Variants in SLCO1B3 observed in about 807,000 individuals in gnomAD.
The protein encoded by SLCO1B3 is liver-specific organic anion transporter 2.
A neutral mutation model predicts 71.8 loss-of-function variants in SLCO1B3; 72 were observed. The ratio of observed to expected loss-of-function variants is 1.00; its 90% CI spans 0.83 to 1.22. The LOEUF (loss-of-function observed/expected upper bound fraction) is 1.22. Among genes scored for constraint, SLCO1B3 ranks in the 50% most tolerant of loss-of-function variants. SLCO1B3 has a pLI of 0.00. For synonymous variants in SLCO1B3, 298 were observed against 278.4 expected (o/e 1.07, Z -0.70); for missense variants, 911 against 819.7 (o/e 1.11, Z -1.36).
chr12:20,828,772 G>C (rs1229008833), intron 3 of SLCO1B3, among the ~76,000 whole-genome samples: 2 of 151,978 alleles, frequency 1.3e-5, no homozygotes, highest in African/African-American at 4.8e-5. Flanking sequence ...GTGACAAACT[G>C]CTGATATTTC....
chr12:20,854,797 T>C (rs1865099129), intron 3 of SLCO1B3, among the ~76,000 whole-genome samples: 1 of 152,184 alleles, frequency 6.6e-6, no homozygotes, highest in Non-Finnish European at 1.5e-5. Context: ...ACCTTAACTA[T>C]ACTCCTCTAG....
rs186455860 is a variant in SLCO1B3, at chr12:20,821,242, G to A, written c.84+5420G>A. On this transcript the variant is annotated intron_variant, in intron 3 of 15. Coordinates refer to ENST00000381545, the MANE Select transcript of SLCO1B3 (RefSeq NM_019844.4). ...ATCAGGCACCTCAGACCATTTGCCCGTTTTACGACAAGAATTATTTAGGTC... is the reference window on the plus strand; with the variant it reads ...ATCAGGCACCTCAGACCATTTGCCCATTTTACGACAAGAATTATTTAGGTC... Among the ~76,000 whole-genome samples, 268 of 152,242 alleles carry A rather than the reference G, an allele frequency of 1.8e-3. 1 individual carries two copies. The highest frequency in any genetic ancestry group is 5.2e-3 in the African/African-American group (218 of 41,542).
intron 13 of SLCO1B3, among the ~76,000 whole-genome samples, chr12:20,885,077 G>C (rs1173506659): frequency 1.3e-5 from 2 of 152,030 alleles, no homozygotes; most frequent in Admixed American, 1.3e-4. Context: ...GAAAAGGAGA[G>C]TTTTAAAAAC....
chr12:20,826,211 TTA>T (rs1864417397), intron 3 of SLCO1B3, among the ~76,000 whole-genome samples: 3 of 127,772 alleles, frequency 2.3e-5, no homozygotes, highest in African/African-American at 8.6e-5. Context: ...AACATTTTAT[TTA>T]GACCTTTAAG....
chr12:20,914,013 C>T (rs1031065620), intron 15 of SLCO1B3, among the ~76,000 whole-genome samples: 4 of 152,220 alleles, frequency 2.6e-5, no homozygotes, highest in Non-Finnish European at 5.9e-5. Flanking sequence ...ATTCTCCCAT[C>T]TTGGCCCCCC....
At chr12:20,833,749 A>G in intron 3 of SLCO1B3, among the ~76,000 whole-genome samples, 1 of 147,926 alleles carries the variant, frequency 6.8e-6, no homozygotes, top group East Asian at 2.0e-4. Flanking sequence ...TATTTATGTA[A>G]TATGTATTAC....
chr12:20,839,150 TAATC>T (rs1864742486), intron 3 of SLCO1B3, among the ~76,000 whole-genome samples: 1 of 152,072 alleles, frequency 6.6e-6, no homozygotes, highest in Non-Finnish European at 1.5e-5. Flanking sequence ...TAAGCATACA[TAATC>T]AAATACATTA....
At position 20,880,848 on chromosome 12, in the gene SLCO1B3, T is replaced by G. The variant is rs373592698; in HGVS notation, c.1332-7T>G. 10 of 1,564,820 alleles carry G rather than the reference T, an allele frequency of 6.4e-6. No homozygotes were observed. Among genetic ancestry groups the G allele is most frequent in the African/African-American group, 4.1e-5 (3 of 73,336 alleles). ...TTTTTTGATATATTTCTATCATATA[T>G]TTTCAGAAATAATTCAGTGGCATCT... On this transcript the variant is annotated splice_polypyrimidine_tract_variant and splice_region_variant and intron_variant, in intron 11 of 15. Coordinates refer to ENST00000381545, the MANE Select transcript of SLCO1B3 (RefSeq NM_019844.4).
intron 3 of SLCO1B3, among the ~76,000 whole-genome samples, chr12:20,835,175 T>C (rs1364886253): frequency 6.6e-6 from 1 of 152,138 alleles, no homozygotes; most frequent in East Asian, 1.9e-4. Context: ...CACCAAGTCA[T>C]GAGACTGCAC....
At chr12:20,823,075 A>G (rs151306946) in intron 3 of SLCO1B3, among the ~76,000 whole-genome samples, 1 of 152,298 alleles carries the variant, frequency 6.6e-6, no homozygotes, top group East Asian at 1.9e-4. Flanking sequence ...CTGCAAAGAA[A>G]AAAATAGGAG....
chr12:20,907,493 CTCCCT>C (rs1168861349), intron 15 of SLCO1B3, among the ~76,000 whole-genome samples: 1 of 136,534 alleles, frequency 7.3e-6, no homozygotes, highest in Non-Finnish European at 1.6e-5. Flanking sequence ...TCCTCTTCTC[CTCCCT>C]TCCCTTCCCT....
At chr12:20,844,374 C>T in intron 3 of SLCO1B3, among the ~76,000 whole-genome samples, 1 of 151,852 alleles carries the variant, frequency 6.6e-6, no homozygotes, top group East Asian at 2.0e-4. Context: ...CAGGACCAGC[C>T]TGGCCAAGGT....
intron 15 of SLCO1B3, among the ~76,000 whole-genome samples, chr12:20,913,118 T>C (rs1191138503): frequency 6.6e-6 from 1 of 152,196 alleles, no homozygotes; most frequent in African/African-American, 2.4e-5. Context: ...GATAGTGTTG[T>C]TGAGTTCAAC....
intron 13 of SLCO1B3, among the ~76,000 whole-genome samples, chr12:20,896,684 G>T (rs1445251450): frequency 6.6e-6 from 1 of 152,002 alleles, no homozygotes; most frequent in African/African-American, 2.4e-5. Flanking sequence ...TCCAACCTCT[G>T]CCTGTTACCC....
intron 15 of SLCO1B3, among the ~76,000 whole-genome samples, chr12:20,904,783 T>G (rs1200400146): frequency 8.2e-6 from 1 of 122,174 alleles, no homozygotes; most frequent in Non-Finnish European, 1.7e-5. Context: ...TTTTTTTTTT[T>G]TTTTTCTTGA....
At chr12:20,853,145 G>T (rs894647476) in intron 3 of SLCO1B3, among the ~76,000 whole-genome samples, 2 of 152,040 alleles carry the variant, frequency 1.3e-5, no homozygotes, top group African/African-American at 4.8e-5. Flanking sequence ...TTTAAAATAT[G>T]CTGTTGAATT....
chr12:20,914,594 A>G (rs758161424), intron 15 of SLCO1B3, among the ~76,000 whole-genome samples: 8 of 151,998 alleles, frequency 5.3e-5, no homozygotes, highest in Non-Finnish European at 7.4e-5. Context: ...ACCTTAACTG[A>G]TTTCTTCTCT....
intron 8 of SLCO1B3, among the ~76,000 whole-genome samples, chr12:20,869,745 T>C (rs1338879361): frequency 6.6e-6 from 1 of 152,198 alleles, no homozygotes; most frequent in Non-Finnish European, 1.5e-5. Flanking sequence ...TCTGTAGATA[T>C]TAGGTTGTTT....
intron 7 of SLCO1B3, 28 bp downstream of exon 7, chr12:20,862,586 TG>T: frequency 6.4e-7 from 1 of 1,567,322 alleles, no homozygotes; most frequent in Non-Finnish European, 8.7e-7. Context: ...TTAAATTTCA[TG>T]ATTACATTCC....
Sources: gnomAD v4.1 joint callset for allele counts (sites outside exome capture counted in the v4.1 genomes callset) on GRCh38, gnomAD v4.1.1 for gene constraint, MANE v1.5 for transcripts, NCBI Gene and HGNC (gene_info 2026-07-23, HGNC 2026-07-21) for gene names.